Variants in CCNF observed in about 807,000 individuals in gnomAD.
CCNF encodes the protein cyclin F.
A neutral mutation model predicts 85.4 loss-of-function variants in CCNF; 30 were observed. The ratio of observed to expected loss-of-function variants is 0.35; its 90% CI spans 0.26 to 0.48. The LOEUF (loss-of-function observed/expected upper bound fraction) is 0.48. CCNF is among the 20% of genes least tolerant of loss of function. The pLI is 0.99. For synonymous variants in CCNF, 439 were observed against 425.1 expected (o/e 1.03, Z -0.40); for missense variants, 919 against 1,010.4 (o/e 0.91, Z 1.23).
chr16:2,430,806 G>A (rs983363272), intron 1 of CCNF, among the ~76,000 whole-genome samples: 1 of 152,012 alleles, frequency 6.6e-6, no homozygotes. Context: ...CCTCAGCTTC[G>A]GCAGCTTTTT....
intron 16 of CCNF, 105 bp downstream of exon 16, chr16:2,455,669 T>C (rs553686501): frequency 1.4e-6 from 2 of 1,444,112 alleles, no homozygotes; most frequent in Admixed American, 5.0e-5. Flanking sequence ...GGGAGGAAGA[T>C]GTGCACAGAG....
At chr16:2,454,102 C>T (rs2065411081) in intron 15 of CCNF, among the ~76,000 whole-genome samples, 1 of 152,206 alleles carries the variant, frequency 6.6e-6, no homozygotes, top group South Asian at 2.1e-4. Flanking sequence ...CGCCGTGACC[C>T]CTCAGCACCA....
At chr16:2,448,473 C>T (rs1358199400) in intron 10 of CCNF, among the ~76,000 whole-genome samples, 1 of 152,188 alleles carries the variant, frequency 6.6e-6, no homozygotes, top group African/African-American at 2.4e-5. Flanking sequence ...GTGGTGTAAT[C>T]AAAGCTCACT....
chr16:2,433,664 G>A (rs2065273610), intron 3 of CCNF, among the ~76,000 whole-genome samples: 1 of 152,166 alleles, frequency 6.6e-6, no homozygotes. Context: ...TCAGCTCACT[G>A]CAACCACCAA....
At chr16:2,455,827 G>A (rs931721323) in intron 16 of CCNF, among the ~76,000 whole-genome samples, 24 of 152,194 alleles carry the variant, frequency 1.6e-4, no homozygotes, top group African/African-American at 5.5e-4. Context: ...TGCTCATTCC[G>A]TGTTGGGAGG....
At position 2,448,855 on chromosome 16, in the gene CCNF, G is replaced by A. The variant is rs748334670; in HGVS notation, c.1095G>A (p.Arg365=). 2.5e-6 allele frequency: 4 copies of A among 1,613,890 alleles called. No individual in the cohort carries two copies. The highest frequency in any genetic ancestry group is 3.4e-6 in the Non-Finnish European group (4 of 1,179,816). The part of the protein sequence containing the change: ...LGIACMVICT[R]FISKEILTIR... ...CTGAGACCCCTTCTCGGCGTTGCAG[G>A]TTTATCAGTAAAGAGATCCTGACCA... The change falls in exon 11 of 17, where the codon CGG becomes CGA. Residue 365 remains arginine (R), a splice_region_variant and synonymous_variant. Coordinates refer to ENST00000397066, the MANE Select transcript of CCNF (RefSeq NM_001761.3).
At position 2,435,656 on chromosome 16, in the gene CCNF, CACACACACACATATAT is replaced by C. The variant is rs2065285979; in HGVS notation, c.279-148_279-133del. 4 of 37,694 alleles carry C rather than the reference CACACACACACATATAT, an allele frequency of 1.1e-4. No homozygotes were observed. The South Asian group carries it at 3.1e-3, about 29-fold the overall frequency. 2.3% of individuals were successfully genotyped at this position (37,694 alleles called of 1,614,324 possible). ...ATATATGCACACACATATATATATG[CACACACACACATATAT>C]ATATATATATATATATATATATATA... On this transcript the variant is annotated intron_variant, in intron 3 of 16. Transcript: ENST00000397066.
chr16:2,433,992 A>G (rs920766096), intron 3 of CCNF, among the ~76,000 whole-genome samples: 1 of 152,242 alleles, frequency 6.6e-6, no homozygotes. Flanking sequence ...TTATCCACAC[A>G]TCACACAATT....
intron 8 of CCNF, among the ~76,000 whole-genome samples, chr16:2,442,930 TG>T: frequency 3.1e-5 from 1 of 32,764 alleles, no homozygotes; most frequent in African/African-American, 2.2e-4. Flanking sequence ...TTAATATATA[TG>T]ATTATTATAT....
intron 13 of CCNF, among the ~76,000 whole-genome samples, chr16:2,450,204 C>G (rs543215606): frequency 6.0e-5 from 9 of 149,318 alleles, no homozygotes; most frequent in African/African-American, 2.2e-4. Context: ...AAGACTCTGT[C>G]TCTAAAAACA....
intron 10 of CCNF, 100 bp downstream of exon 10, chr16:2,445,722 T>TG: frequency 1.0e-6 from 1 of 995,448 alleles, no homozygotes; most frequent in Non-Finnish European, 1.3e-6. Context: ...TGGTTTTGTT[T>TG]TGTGTTGTTT....
At chr16:2,430,986 C>T in intron 1 of CCNF, 144 bp from the exon 2 acceptor site, 1 of 869,738 alleles carries the variant, frequency 1.1e-6, no homozygotes, top group Non-Finnish European at 2.0e-6. Context: ...GGACAAGAAG[C>T]ATAGTTCCAT....
intron 5 of CCNF, chr16:2,437,861 T>G: frequency 1.9e-6 from 1 of 530,256 alleles, no homozygotes; most frequent in African/African-American, 2.0e-5. Flanking sequence ...ACTATGCCAA[T>G]GCACTCCAGC....
chr16:2,439,557 TCTTG>T, intron 7 of CCNF, 100 bp downstream of exon 7: 3 of 979,976 alleles, frequency 3.1e-6, no homozygotes, highest in Non-Finnish European at 4.7e-6. Context: ...GGGAGGTGGC[TCTTG>T]CTGCTCCCGG....
At chr16:2,430,943 T>C (rs1047127130) in intron 1 of CCNF, 187 bp from the exon 2 acceptor site, 1 of 758,250 alleles carries the variant, frequency 1.3e-6, no homozygotes, top group African/African-American at 1.7e-5. Flanking sequence ...CTGTAATTTG[T>C]GCAATGCCAC....
chr16:2,441,542 G>C (rs924038721), intron 8 of CCNF, among the ~76,000 whole-genome samples: 2 of 152,074 alleles, frequency 1.3e-5, no homozygotes, highest in African/African-American at 4.8e-5. Flanking sequence ...TGAGGCGGGA[G>C]GATCACTTGA....
At chr16:2,450,910 C>T (rs1010418544) in intron 13 of CCNF, among the ~76,000 whole-genome samples, 8 of 152,246 alleles carry the variant, frequency 5.3e-5, no homozygotes, top group African/African-American at 1.7e-4. Flanking sequence ...ATAGAGCTAT[C>T]CTCTGTCTCA....
intron 2 of CCNF, 92 bp downstream of exon 2, chr16:2,431,376 T>TA (rs1353051997): frequency 1.4e-6 from 2 of 1,429,164 alleles, no homozygotes; most frequent in African/African-American, 1.4e-5. Flanking sequence ...AAACTTTGGC[T>TA]AAAAAAGAGG....
At chr16:2,438,194 A>C in intron 6 of CCNF, 71 bp downstream of exon 6, 1 of 1,171,830 alleles carries the variant, frequency 8.5e-7, no homozygotes, top group Non-Finnish European at 1.3e-6. Context: ...TGGAACTGAA[A>C]AGCAGCAGAA....
Sources: gnomAD v4.1 joint callset for allele counts (sites outside exome capture counted in the v4.1 genomes callset) on GRCh38, gnomAD v4.1.1 for gene constraint, MANE v1.5 for transcripts, NCBI Gene and HGNC (gene_info 2026-07-23, HGNC 2026-07-21) for gene names.